Variants in HERC4 observed in about 807,000 individuals in gnomAD.
The protein encoded by HERC4 is HECT and RLD domain containing E3 ubiquitin protein ligase 4.
A neutral mutation model predicts 124.3 loss-of-function variants in HERC4; 28 were observed. The observed-to-expected ratio is 0.23, with a 90% confidence interval of 0.17 to 0.31. The LOEUF (loss-of-function observed/expected upper bound fraction) is 0.31. Ranked by LOEUF, HERC4 falls within the 10% of genes least tolerant of loss-of-function variation. The pLI, the probability that HERC4 is intolerant of heterozygous loss-of-function variation, is 1.00. For missense variants in HERC4, 713 were observed against 1,229.3 expected (o/e 0.58, Z 6.28); for synonymous variants, 407 against 421.5 (o/e 0.97, Z 0.42).
At chr10:68,059,306 C>A (rs572747441) in intron 3 of HERC4, among the ~76,000 whole-genome samples, 2 of 150,702 alleles carry the variant, frequency 1.3e-5, no homozygotes, top group Admixed American at 1.3e-4. Flanking sequence ...GGTTGAGTGT[C>A]CCTATCCATA....
chr10:68,050,157 A>AGT, intron 3 of HERC4, among the ~76,000 whole-genome samples: 1 of 152,182 alleles, frequency 6.6e-6, no homozygotes, highest in Admixed American at 6.5e-5. Context: ...GCATCACTGC[A>AGT]CTCCAGCCTG....
intron 9 of HERC4, among the ~76,000 whole-genome samples, chr10:67,999,184 T>C (rs1393542547): frequency 6.6e-6 from 1 of 152,222 alleles, no homozygotes; most frequent in Non-Finnish European, 1.5e-5. Flanking sequence ...TGTCTATAAA[T>C]GGTTATGCTC....
At chr10:68,064,009 G>C (rs369383395) in intron 3 of HERC4, among the ~76,000 whole-genome samples, 1 of 151,038 alleles carries the variant, frequency 6.6e-6, no homozygotes, top group African/African-American at 2.4e-5. Flanking sequence ...TTGGGAGGGC[G>C]AAGTGGGCAG....
rs987259616 is a variant in HERC4 at position 67,941,129 on chromosome 10, C to A, written c.2338-24G>T. On this transcript the variant is annotated intron_variant, in intron 19 of 24. Coordinates refer to ENST00000373700, the MANE Select transcript of HERC4 (RefSeq NM_015601.4). ...GTCTAAAAATATAAGAAAAAGTAAA[C>A]ACATGTCCTCCAAGTTAAAATATTA... The A allele has an allele frequency of 1.7e-5, 24 of 1,442,310 alleles. No individual in the cohort carries two copies. The Middle Eastern group carries it at 7.7e-4, about 46-fold the overall frequency. The allele number at this position is 1,442,310 out of a possible 1,614,324, so 89.3% of individuals were successfully genotyped here. A position where few individuals can be genotyped will look rare whatever the true frequency, so the allele number is the denominator to read the frequency against.
At chr10:67,930,958 GC>G (rs1423340174) in intron 23 of HERC4, among the ~76,000 whole-genome samples, 3 of 152,118 alleles carry the variant, frequency 2.0e-5, no homozygotes, top group Non-Finnish European at 4.4e-5. Context: ...GGGATTACAG[GC>G]ATGAGACACC....
intron 3 of HERC4, among the ~76,000 whole-genome samples, chr10:68,057,386 GA>G (rs2040601310): frequency 6.6e-6 from 1 of 152,092 alleles, no homozygotes; most frequent in African/African-American, 2.4e-5. Flanking sequence ...AGCACTTTGG[GA>G]GGCCAAAGCG....
intron 19 of HERC4, among the ~76,000 whole-genome samples, chr10:67,942,945 ATT>A (rs1187812858): frequency 3.3e-5 from 5 of 152,176 alleles, no homozygotes; most frequent in Non-Finnish European, 7.3e-5. Context: ...TTTAGTACAC[ATT>A]TCTGACTATT....
intron 9 of HERC4, among the ~76,000 whole-genome samples, chr10:68,009,860 C>T (rs1338411671): frequency 6.6e-6 from 1 of 152,162 alleles, no homozygotes; most frequent in Non-Finnish European, 1.5e-5. Context: ...AGCATCTTCA[C>T]CAGCAGTAGG....
chr10:68,072,381 G>C (rs560986722), intron 3 of HERC4, among the ~76,000 whole-genome samples: 4 of 152,018 alleles, frequency 2.6e-5, no homozygotes, highest in African/African-American at 9.7e-5. Context: ...AGGAATAAAA[G>C]ATATTTCTAA....
intron 8 of HERC4, among the ~76,000 whole-genome samples, chr10:68,021,680 T>C (rs941111930): frequency 5.3e-5 from 8 of 152,084 alleles, no homozygotes; most frequent in Admixed American, 5.2e-4. Flanking sequence ...TGGTGGCACA[T>C]GCCTGTAATC....
chr10:67,999,553 C>T (rs1192711013), intron 9 of HERC4, among the ~76,000 whole-genome samples: 1 of 152,166 alleles, frequency 6.6e-6, no homozygotes, highest in Non-Finnish European at 1.5e-5. Context: ...TCTTACATAA[C>T]TTTCAAAACG....
intron 9 of HERC4, chr10:67,993,522 T>TC (rs2036674468): frequency 6.9e-6 from 1 of 145,048 alleles, no homozygotes; most frequent in Non-Finnish European, 1.5e-5. Flanking sequence ...AAGACCCATC[T>TC]CTAAAAAAAA....
intron 16 of HERC4, chr10:67,959,049 T>C (rs2034327043): frequency 2.2e-6 from 3 of 1,376,612 alleles, no homozygotes; most frequent in Admixed American, 2.1e-5. Flanking sequence ...TTGGCTCTTC[T>C]ATTACTCAGG....
At chr10:68,040,575 T>A (rs897077057) in intron 4 of HERC4, 27 of 437,156 alleles carry the variant, frequency 6.2e-5, no homozygotes, top group African/African-American at 4.3e-5. Flanking sequence ...AATTTTTGAA[T>A]ATTCAAATAC....
chr10:68,009,510 T>G (rs980559233), intron 9 of HERC4, among the ~76,000 whole-genome samples: 2 of 152,228 alleles, frequency 1.3e-5, no homozygotes, highest in African/African-American at 4.8e-5. Context: ...TAAAAAATGC[T>G]AACGATCAAT....
In HERC4 at chr10:68,033,955, G is replaced by A. The variant is rs200691965; in HGVS notation, c.685+10C>T. 1.9e-6 allele frequency: 3 copies of A among 1,608,846 alleles called. No individual in the cohort carries two copies. In the African/African-American group the frequency reaches 4.0e-5, roughly 21 times the overall value. ...AAAGTACACTTAAACTATACATAAT[G>A]AGAACCTACCATTTTCATCATTAAG... On this transcript the variant is annotated intron_variant, in intron 6 of 24. Transcript: ENST00000373700.
intron 3 of HERC4, among the ~76,000 whole-genome samples, chr10:68,064,769 G>C (rs1191456578): frequency 6.6e-6 from 1 of 151,646 alleles, no homozygotes; most frequent in Non-Finnish European, 1.5e-5. Flanking sequence ...TCAGGAGTTT[G>C]AGACCACCCT....
At chr10:68,004,824 T>C (rs887924899) in intron 9 of HERC4, among the ~76,000 whole-genome samples, 3 of 152,156 alleles carry the variant, frequency 2.0e-5, no homozygotes, top group African/African-American at 7.2e-5. Context: ...CACTCATTAT[T>C]ACAAGAACAG....
At chr10:68,014,703 C>T (rs1312142230) in intron 8 of HERC4, among the ~76,000 whole-genome samples, 2 of 152,122 alleles carry the variant, frequency 1.3e-5, no homozygotes, top group African/African-American at 4.8e-5. Context: ...TCTATATGTA[C>T]GCACCAAAAC....
Sources: gnomAD v4.1 joint callset for allele counts (sites outside exome capture counted in the v4.1 genomes callset) on GRCh38, gnomAD v4.1.1 for gene constraint, MANE v1.5 for transcripts, NCBI Gene and HGNC (gene_info 2026-07-23, HGNC 2026-07-21) for gene names.